The following PRCP variants were observed in gnomAD, a reference collection of about 807,000 sequenced individuals.
PRCP encodes the protein lysosomal Pro-X carboxypeptidase.
In PRCP, 46 loss-of-function variants were observed where a neutral mutation model predicts 54.2. That is an observed-to-expected ratio of 0.85 (90% confidence interval 0.67 to 1.09). The LOEUF (loss-of-function observed/expected upper bound fraction) is 1.09. PRCP is among the 50% of genes least tolerant of loss of function. The pLI is 0.00. For missense variants in PRCP, 613 were observed against 596.8 expected, an observed-to-expected ratio of 1.03 and a Z score of -0.28; for synonymous variants, 240 against 212.2, an observed-to-expected ratio of 1.13 and a Z score of -1.14.
chr11:82,865,633 A>T (rs553753688), intron 1 of PRCP, among the ~76,000 whole-genome samples: 1 of 152,334 alleles, frequency 6.6e-6, no homozygotes, highest in East Asian at 1.9e-4. Context: ...TGACCAAAAA[A>T]ATTAACTTAC....
chr11:82,831,532 G>A (rs1326592564), intron 8 of PRCP: 1 of 152,094 alleles, frequency 6.6e-6, no homozygotes, highest in Admixed American at 6.6e-5. Context: ...AGCTAATTCA[G>A]GGAAGAAGAA....
chr11:82,854,813 C>T (rs752419729), intron 2 of PRCP, among the ~76,000 whole-genome samples: 2 of 152,080 alleles, frequency 1.3e-5, no homozygotes, highest in Non-Finnish European at 2.9e-5. Context: ...GGTACTGGTA[C>T]AAAAATAGGC....
chr11:82,893,621 A>C (rs1860051969), intron 1 of PRCP, among the ~76,000 whole-genome samples: 1 of 152,114 alleles, frequency 6.6e-6, no homozygotes, highest in African/African-American at 2.4e-5. Flanking sequence ...ACGAGATCCC[A>C]TCTCTACAAA....
chr11:82,844,782 A>G (rs1430184477), intron 6 of PRCP, among the ~76,000 whole-genome samples: 1 of 150,788 alleles, frequency 6.6e-6, no homozygotes, highest in Non-Finnish European at 1.5e-5. Flanking sequence ...GAAAAGAAAA[A>G]AACACAAATG....
intron 8 of PRCP, among the ~76,000 whole-genome samples, chr11:82,831,603 T>G (rs1858382523): frequency 6.6e-6 from 1 of 152,170 alleles, no homozygotes; most frequent in Non-Finnish European, 1.5e-5. Flanking sequence ...AATCCAACAG[T>G]TAAAGATTAA....
Position 82,845,160 on chromosome 11 carries a change from A to G in PRCP, c.921+3889T>C, listed in dbSNP as rs929749184. Among the ~76,000 whole-genome samples the G allele has an allele frequency of 3.9e-5, 6 of 152,334 alleles. No individual in the cohort carries two copies. The East Asian group carries it at 9.6e-4, about 24-fold the overall frequency. On this transcript the variant is annotated intron_variant, in intron 6 of 8. Transcript: ENST00000313010. ...TACTCATTCCAGTTTTAAAGTGTAT[A>G]GAAATAGTTGAGAAAATAGAACATT...
chr11:82,868,577 C>T (rs1228297477), intron 1 of PRCP, among the ~76,000 whole-genome samples: 6 of 142,886 alleles, frequency 4.2e-5, no homozygotes, highest in Non-Finnish European at 9.1e-5. Context: ...AATATCTGAG[C>T]TGAAACACAG....
intron 1 of PRCP, among the ~76,000 whole-genome samples, chr11:82,869,674 T>C (rs544327140): frequency 6.6e-6 from 1 of 152,240 alleles, no homozygotes; most frequent in South Asian, 2.1e-4. Flanking sequence ...AATGAATATA[T>C]AGAGAGTAAA....
intron 8 of PRCP, among the ~76,000 whole-genome samples, chr11:82,834,829 C>A (rs1858478468): frequency 6.6e-6 from 1 of 152,158 alleles, no homozygotes; most frequent in Non-Finnish European, 1.5e-5. Context: ...AATCCCAGCA[C>A]TTTGGGAGGC....
At position 82,862,690 on chromosome 11, in the gene PRCP, G is replaced by A. The variant is rs1480023738; in HGVS notation, c.169-2573C>T. On this transcript the variant is annotated intron_variant, in intron 1 of 8. Transcript: ENST00000313010. ...GTATCTATGATCATCACCATATGTA[G>A]TCCTAAAATATGATATTCTAATCTA... Among the ~76,000 whole-genome samples, 3 of 152,160 alleles carry A rather than the reference G, an allele frequency of 2.0e-5. No homozygotes were observed. In the East Asian group the frequency reaches 5.8e-4, roughly 29 times the overall value.
intron 8 of PRCP, chr11:82,827,614 G>A (rs1858269534): frequency 6.6e-6 from 1 of 152,082 alleles, no homozygotes; most frequent in African/African-American, 2.4e-5. Context: ...TCTTCCACTT[G>A]TCTATATGTC....
At chr11:82,855,576 G>T (rs1415288419) in intron 2 of PRCP, among the ~76,000 whole-genome samples, 4 of 152,180 alleles carry the variant, frequency 2.6e-5, no homozygotes, top group Middle Eastern at 3.4e-3. Flanking sequence ...CCCAGATCAC[G>T]CCACTGCACT....
chr11:82,828,700 AC>A (rs773612866), intron 8 of PRCP: 2 of 152,314 alleles, frequency 1.3e-5, no homozygotes, highest in East Asian at 1.9e-4. Flanking sequence ...TATAAGTACA[AC>A]CTATATACAG....
At chr11:82,900,470 A>AGCCCTGCCCAGCCTGC (rs1340416999), upstream of PRCP, 2 of 1,519,068 alleles carry the variant, frequency 1.3e-6, no homozygotes, top group African/African-American at 2.8e-5. Context: ...GCACAGGCTA[A>AGCCCTGCCCAGCCTGC]GCCCTGCCCA....
chr11:82,900,948 TCTAA>T (rs1860274159), upstream of PRCP: 3 of 435,428 alleles, frequency 6.9e-6, 1 homozygote, highest in South Asian at 3.2e-5. Flanking sequence ...CATCATCTCC[TCTAA>T]CTAAATCGTC....
chr11:82,900,583 GC>G, upstream of PRCP: 1 of 803,554 alleles, frequency 1.2e-6, no homozygotes, highest in Non-Finnish European at 2.1e-6. Context: ...CAGCCACTCC[GC>G]CCCCATCCCC....
intron 1 of PRCP, among the ~76,000 whole-genome samples, chr11:82,897,643 T>G (rs112207883): frequency 1.3e-5 from 2 of 152,328 alleles, no homozygotes; most frequent in African/African-American, 4.8e-5. Context: ...GTCTGTTAGG[T>G]TGCTAAAAGT....
chr11:82,884,812 AT>A (rs751997720), intron 1 of PRCP: 1 of 1,611,776 alleles, frequency 6.2e-7, no homozygotes, highest in Non-Finnish European at 8.5e-7. Context: ...AATGAAAAAA[AT>A]AACACCTACC....
chr11:82,825,214 C>A, intron 8 of PRCP, 92 bp from the exon 9 acceptor site: 6 of 1,142,274 alleles, frequency 5.3e-6, no homozygotes, highest in Non-Finnish European at 7.5e-6. Context: ...ATGTTTAACA[C>A]CTAAAATTAT....
Sources: allele counts gnomAD v4.1 joint callset (sites outside exome capture counted in the v4.1 genomes callset), GRCh38; gene constraint gnomAD v4.1.1; transcripts MANE v1.5; gene names NCBI Gene and HGNC (gene_info 2026-07-23, HGNC 2026-07-21).